The following NOD2 variants were observed in gnomAD, a reference collection of about 807,000 sequenced individuals.
NOD2 encodes nucleotide binding oligomerization domain containing 2.
NOD2 carries 86 observed loss-of-function variants against 90.9 expected under a neutral mutation model. The ratio of observed to expected loss-of-function variants is 0.95; its 90% CI spans 0.79 to 1.13. NOD2 has a LOEUF of 1.13. Ranked by LOEUF, NOD2 falls within the 50% of genes most tolerant of loss-of-function variation. The pLI is 0.00. For missense variants in NOD2, 1,238 were observed against 1,283.8 expected (o/e 0.96, Z 0.55); for synonymous variants, 581 against 554.6 (o/e 1.05, Z -0.67).
At position 50,719,990 on chromosome 16, in the gene NOD2, C is replaced by T. The variant is rs770454777; in HGVS notation, c.2615C>T (p.Thr872Ile). Residue 872 changes from threonine to isoleucine, a missense_variant, in exon 7 of 12, where the codon ACC becomes ATC. Thr to Ile is a moderately conservative substitution (Grantham distance 89). Around this residue, in one of 3 missense-constraint regions of NOD2, gnomAD observed 667 missense variants for 688.7 expected, o/e 0.97. Transcript: ENST00000647318. ...CTGGCCGAGGGGCTCCGAGGCAACA[C>T]CTCCTTGCAGTTCCTGGGGTAGGTT... ...QVLAEGLRGN[T>I]SLQFLGFWGN... The T allele has an allele frequency of 6.8e-6, 11 of 1,614,168 alleles. No individual in the cohort carries two copies. The highest frequency in any genetic ancestry group is 8.5e-6 in the Non-Finnish European group (10 of 1,180,016).
chr16:50,703,007 G>A (rs999142971), intron 2 of NOD2, among the ~76,000 whole-genome samples: 6 of 152,170 alleles, frequency 3.9e-5, no homozygotes, highest in African/African-American at 1.2e-4. Context: ...ATAGGGCTGA[G>A]GTGTCAGACT....
chr16:50,727,650 G>T, intron 10 of NOD2: 1 of 348,370 alleles, frequency 2.9e-6, no homozygotes, highest in Non-Finnish European at 5.8e-6. Context: ...GGTAAATATG[G>T]CGGATGAGGC....
At chr16:50,730,537 G>C (rs755348376) in intron 11 of NOD2, among the ~76,000 whole-genome samples, 8 of 152,136 alleles carry the variant, frequency 5.3e-5, no homozygotes, top group Non-Finnish European at 1.2e-4. Flanking sequence ...GCTTTCCCTG[G>C]CCTAATGTGC....
At chr16:50,731,700 TC>T in intron 11 of NOD2, 46 bp from the exon 12 acceptor site, 2 of 1,305,530 alleles carry the variant, frequency 1.5e-6, no homozygotes, top group Non-Finnish European at 2.2e-6. Flanking sequence ...AAAGCCCTGC[TC>T]TAATTTTGTC....
chr16:50,697,204 C>A, intron 1 of NOD2: 1 of 1,529,492 alleles, frequency 6.5e-7, no homozygotes, highest in South Asian at 1.2e-5. Context: ...AAGGCCTACC[C>A]GCAGATGCCA....
In NOD2 at chr16:50,712,015, C is replaced by T. The variant is rs2066844; in HGVS notation, c.2023C>T (p.Arg675Trp). The change falls in exon 4 of 12, where the codon CGG becomes TGG. Residue 675 changes from arginine to tryptophan, a missense_variant. Physicochemically the swap from Arg to Trp is moderately radical, Grantham distance 101. Transcript: ENST00000647318. ...CCAGACATCTGAGAAGGCCCTGCTC[C>T]GGCGCCAGGCCTGTGCCCGCTGGTG... Reference protein sequence around the residue: ...ECQTSEKALLRRQACARWCLA... With the variant: ...ECQTSEKALLWRQACARWCLA... 0.039 allele frequency: 62,111 copies of T among 1,613,122 alleles called. 1,697 individuals are homozygous for T. The highest frequency in any genetic ancestry group is 0.048 in the Non-Finnish European group (56,238 of 1,179,874).
At chr16:50,710,103 G>A (rs1964390968) in intron 3 of NOD2, 1 of 445,274 alleles carries the variant, frequency 2.2e-6, no homozygotes, top group Non-Finnish European at 4.5e-6. Flanking sequence ...GAGTGGTGAA[G>A]GGATTTATCC....
chr16:50,705,378 A>G (rs1964140973), intron 2 of NOD2, among the ~76,000 whole-genome samples: 1 of 152,050 alleles, frequency 6.6e-6, no homozygotes, highest in Admixed American at 6.6e-5. Flanking sequence ...TCTATCTCCC[A>G]CATTAGATGC....
intron 6 of NOD2, 70 bp from the exon 7 acceptor site, chr16:50,719,855 C>T: frequency 1.4e-6 from 2 of 1,397,464 alleles, no homozygotes; most frequent in African/African-American, 1.4e-5. Context: ...TTTCCCTGGC[C>T]AGGGCACAGA....
Position 50,710,796 on chromosome 16 carries a change from G to T in NOD2, c.804G>T (p.Val268=). ...PGHLNDDADT[V]LVVGEAGSGK... ...ACCTCAATGACGATGCGGACACTGT[G>T]CTGGTGGTGGGTGAGGCGGGCAGTG... Residue 268 remains valine (V), a synonymous_variant, in exon 4 of 12, where the codon GTG becomes GTT. Coordinates refer to ENST00000647318, the MANE Select transcript of NOD2 (RefSeq NM_001370466.1). 6.2e-7 allele frequency: 1 copy of T among 1,614,148 alleles called. No homozygotes were observed. The highest frequency in any genetic ancestry group is 8.5e-7 in the Non-Finnish European group (1 of 1,180,044).
In NOD2 at chr16:50,711,196, G is replaced by A. The variant is rs144827713; in HGVS notation, c.1204G>A (p.Ala402Thr). The A allele has an allele frequency of 8.7e-6, 14 of 1,614,022 alleles. No homozygotes were observed. In the East Asian group the frequency reaches 8.9e-5, roughly 10 times the overall value. Residue 402 changes from alanine to threonine, a missense_variant, in exon 4 of 12, where the codon GCT becomes ACT. Physicochemically the swap from Ala to Thr is moderately conservative, Grantham distance 58 (BLOSUM62 0). This residue lies in a region of NOD2 where 567 missense variants were observed against 577.3 expected (regional missense o/e 0.98). Transcript: ENST00000647318. Reference protein sequence around the residue: ...ARKVVTSRPAAVSAFLRKYIR... With the variant: ...ARKVVTSRPATVSAFLRKYIR... The stretch of plus-strand genomic sequence containing the variant: ...CAAGGTGGTGACCAGCCGTCCGGCC[G>A]CTGTGTCGGCGTTCCTCAGGAAGTA...
At chr16:50,696,327 C>T (rs1363079389) in intron 1 of NOD2, 1 of 152,246 alleles carries the variant, frequency 6.6e-6, no homozygotes, top group Non-Finnish European at 1.5e-5. Flanking sequence ...CGCCCCTTGA[C>T]CCTCTCTTTC....
At chr16:50,708,691 C>T (rs1279581242) in intron 3 of NOD2, among the ~76,000 whole-genome samples, 1 of 152,204 alleles carries the variant, frequency 6.6e-6, no homozygotes, top group African/African-American at 2.4e-5. Flanking sequence ...CTTGTTCCTA[C>T]ACCACTGTAG....
intron 4 of NOD2, among the ~76,000 whole-genome samples, chr16:50,715,339 T>A (rs1048398527): frequency 6.6e-6 from 1 of 152,202 alleles, no homozygotes; most frequent in African/African-American, 2.4e-5. Context: ...ATCATGATTC[T>A]AGGTGACTTT....
chr16:50,697,387 T>G (rs952786059), intron 1 of NOD2: 2 of 1,387,364 alleles, frequency 1.4e-6, no homozygotes, highest in African/African-American at 2.9e-5. Context: ...CGCGACATGC[T>G]CCCAGGCCTG....
chr16:50,710,589 G>A lies in NOD2; in HGVS notation c.597G>A (p.Leu199=). ...CATGCAAGAAGTATATGGCCAAGCT[G>A]AGGACCACGGTGTCTGCTCAGTCTC... ...AATCKKYMAK[L]RTTVSAQSRF... Residue 199 remains leucine, a synonymous_variant, in exon 4 of 12, where the codon CTG becomes CTA. Coordinates refer to ENST00000647318, the MANE Select transcript of NOD2 (RefSeq NM_001370466.1). The A allele has an allele frequency of 1.2e-6, 2 of 1,614,216 alleles. No individual in the cohort carries two copies. Among genetic ancestry groups the A allele is most frequent in the Non-Finnish European group, 1.7e-6 (2 of 1,180,050 alleles).
intron 8 of NOD2, 56 bp downstream of exon 8, chr16:50,722,761 G>T: frequency 1.3e-6 from 2 of 1,502,588 alleles, no homozygotes; most frequent in Non-Finnish European, 1.9e-6. Flanking sequence ...GAAGAGGGAG[G>T]AGCTGGGGCC....
At chr16:50,700,481 C>T (rs1963891892) in intron 2 of NOD2, among the ~76,000 whole-genome samples, 1 of 152,208 alleles carries the variant, frequency 6.6e-6, no homozygotes, top group African/African-American at 2.4e-5. Flanking sequence ...GATTCTGGAG[C>T]CAGAATGGTG....
At chr16:50,716,094 C>T (rs975162849) in intron 4 of NOD2, among the ~76,000 whole-genome samples, 3 of 152,170 alleles carry the variant, frequency 2.0e-5, no homozygotes, top group African/African-American at 7.2e-5. Context: ...AGCAGGGCCT[C>T]ACTAACCACA....
Sources: allele counts gnomAD v4.1 joint callset (sites outside exome capture counted in the v4.1 genomes callset), GRCh38; gene constraint gnomAD v4.1.1; regional missense constraint gnomAD v4.1.1; transcripts MANE v1.5; gene names NCBI Gene and HGNC (gene_info 2026-07-23, HGNC 2026-07-21).